The following ARHGAP10 variants were observed in gnomAD, a reference collection of about 807,000 sequenced individuals.
The protein encoded by ARHGAP10 is rho GTPase-activating protein 10.
ARHGAP10 carries 87 observed loss-of-function variants against 108.6 expected under a neutral mutation model. That is an observed-to-expected ratio of 0.80 (90% CI 0.67 to 0.96). The LOEUF (loss-of-function observed/expected upper bound fraction) is 0.96. Among genes scored for constraint, ARHGAP10 ranks in the 40% least tolerant of loss-of-function variants. The pLI is 0.00. For synonymous variants in ARHGAP10, 347 were observed against 341.1 expected (o/e 1.02, Z -0.19); for missense variants, 939 against 954.5 (o/e 0.98, Z 0.21).
At chr4:147,756,542 A>G (rs1242738196) in intron 1 of ARHGAP10, among the ~76,000 whole-genome samples, 1 of 152,174 alleles carries the variant, frequency 6.6e-6, no homozygotes. Context: ...TTCCAGAAAT[A>G]ATTCATGAGT....
At chr4:148,001,332 T>G (rs1400566155) in intron 18 of ARHGAP10, among the ~76,000 whole-genome samples, 11 of 152,350 alleles carry the variant, frequency 7.2e-5, no homozygotes, top group Non-Finnish European at 1.5e-5. Context: ...TAGTATAGTT[T>G]GAAGTCAGGT....
At chr4:148,062,458 A>G (rs920430389) in intron 20 of ARHGAP10, among the ~76,000 whole-genome samples, 7 of 152,250 alleles carry the variant, frequency 4.6e-5, no homozygotes, top group Non-Finnish European at 1.0e-4. Flanking sequence ...CATAAACCAT[A>G]GTCGCCTCCA....
chr4:147,857,687 A>G (rs1734151949), intron 5 of ARHGAP10, 33 bp downstream of exon 5: 1 of 1,391,162 alleles, frequency 7.2e-7, no homozygotes, highest in Non-Finnish European at 9.4e-7. Context: ...TACGTTTTCA[A>G]AATTTGATAA....
chr4:148,064,026 T>C (rs1364393191), intron 21 of ARHGAP10, among the ~76,000 whole-genome samples: 2 of 152,216 alleles, frequency 1.3e-5, no homozygotes. Flanking sequence ...GCCGCCTCCT[T>C]CTGCCGGCTG....
intron 10 of ARHGAP10, among the ~76,000 whole-genome samples, chr4:147,897,124 C>T (rs1736024977): frequency 6.6e-6 from 1 of 151,388 alleles, no homozygotes; most frequent in African/African-American, 2.4e-5. Flanking sequence ...TGTCTTTTTT[C>T]ACCCTTTTCC....
At chr4:147,918,631 C>T (rs547105430) in intron 13 of ARHGAP10, among the ~76,000 whole-genome samples, 1 of 152,296 alleles carries the variant, frequency 6.6e-6, no homozygotes, top group East Asian at 1.9e-4. Flanking sequence ...CTTAGGGGCC[C>T]TTCATCTCCC....
intron 3 of ARHGAP10, among the ~76,000 whole-genome samples, chr4:147,839,007 T>C (rs1733287233): frequency 6.6e-6 from 1 of 152,190 alleles, no homozygotes. Flanking sequence ...TTTAGAAGAC[T>C]CTTAAGAACT....
chr4:147,919,875 T>A (rs1737163868), intron 13 of ARHGAP10, among the ~76,000 whole-genome samples: 1 of 151,894 alleles, frequency 6.6e-6, no homozygotes, highest in African/African-American at 2.4e-5. Flanking sequence ...CCACTGTACC[T>A]GGCCTTAAAA....
chr4:148,049,820 GT>G (rs998683897), intron 20 of ARHGAP10, among the ~76,000 whole-genome samples: 19 of 123,368 alleles, frequency 1.5e-4, no homozygotes, highest in African/African-American at 5.6e-4. Context: ...TTGTTTGTTT[GT>G]TTTTTTTGGG....
chr4:147,826,210 T>A (rs150120962), intron 3 of ARHGAP10, among the ~76,000 whole-genome samples: 1 of 152,134 alleles, frequency 6.6e-6, no homozygotes, highest in African/African-American at 2.4e-5. Context: ...CTGTTTTAGG[T>A]TCCTAGAAAT....
At chr4:147,757,442 C>T (rs142776301) in intron 1 of ARHGAP10, among the ~76,000 whole-genome samples, 14,724 of 152,090 alleles carry the variant, frequency 0.097, 1,150 homozygotes, top group African/African-American at 0.21. Flanking sequence ...GCAATCTGCC[C>T]GCCTCGGCCT....
intron 10 of ARHGAP10, among the ~76,000 whole-genome samples, chr4:147,892,243 C>G (rs939156543): frequency 6.6e-6 from 1 of 152,056 alleles, no homozygotes; most frequent in Non-Finnish European, 1.5e-5. Context: ...GATTTTATAC[C>G]AGCAACTTTA....
At chr4:147,825,103 G>T (rs557201029) in intron 3 of ARHGAP10, among the ~76,000 whole-genome samples, 12 of 152,232 alleles carry the variant, frequency 7.9e-5, no homozygotes, top group African/African-American at 2.9e-4. Context: ...GTGGTGGCTG[G>T]TGGGGGTTTA....
intron 13 of ARHGAP10, among the ~76,000 whole-genome samples, chr4:147,922,475 G>T (rs1737284573): frequency 6.6e-6 from 1 of 151,292 alleles, no homozygotes; most frequent in Non-Finnish European, 1.5e-5. Context: ...GGATCACGAG[G>T]TCAGGAGATC....
At chr4:147,788,135 A>AT (rs1296112791) in intron 1 of ARHGAP10, among the ~76,000 whole-genome samples, 39 of 14,270 alleles carry the variant, frequency 2.7e-3, no homozygotes, top group African/African-American at 4.0e-3. Context: ...AAAAAATTTG[A>AT]TTTTTTTTTT....
At chr4:147,945,888 C>A (rs115877889) in intron 14 of ARHGAP10, among the ~76,000 whole-genome samples, 1 of 152,036 alleles carries the variant, frequency 6.6e-6, no homozygotes, top group African/African-American at 2.4e-5. Context: ...GAGAGGGGGT[C>A]CCACCAGCGG....
At position 147,969,894 on chromosome 4, in the gene ARHGAP10, A is replaced by C. The variant is rs183637993; in HGVS notation, c.1716+3055A>C. 7.9e-5 allele frequency among the ~76,000 whole-genome samples: 12 copies of C among 152,330 alleles called. No homozygotes were observed. In the East Asian group the frequency reaches 2.1e-3, roughly 27 times the overall value. On this transcript the variant is annotated intron_variant, in intron 18 of 22. Coordinates refer to ENST00000336498, the MANE Select transcript of ARHGAP10 (RefSeq NM_024605.4). Reference sequence around the variant, plus strand: ...CAACCAACGTTAATTAAGTGCTCTCAGGCTTTCTATTCAGAAGGGAGCAAT... The same window carrying C: ...CAACCAACGTTAATTAAGTGCTCTCCGGCTTTCTATTCAGAAGGGAGCAAT...
rs1203864478 is a variant in ARHGAP10 at position 148,072,731 on chromosome 4, T to G, written c.*650T>G. ...CGTGTGCTGTTTTCCAAACACCACC[T>G]TTTTGCCTCAAGGTCTCTGTAAATG... On this transcript the variant is annotated 3_prime_UTR_variant, in exon 23 of 23. Transcript: ENST00000336498. 1 of 152,252 alleles carries G rather than the reference T, an allele frequency of 6.6e-6. No individual in the cohort carries two copies. Among genetic ancestry groups the G allele is most frequent in the Non-Finnish European group, 1.5e-5 (1 of 68,062 alleles). The allele number at this position is 152,252 out of a possible 1,614,324, so 9.4% of individuals were successfully genotyped here. A position where few individuals can be genotyped will look rare whatever the true frequency, so the allele number is the denominator to read the frequency against.
At chr4:147,927,379 T>C (rs1737503797) in intron 13 of ARHGAP10, among the ~76,000 whole-genome samples, 1 of 152,182 alleles carries the variant, frequency 6.6e-6, no homozygotes, top group Non-Finnish European at 1.5e-5. Flanking sequence ...TGCACTGTCT[T>C]TGCTGAGGAT....
Sources: gnomAD v4.1 joint callset for allele counts (sites outside exome capture counted in the v4.1 genomes callset) on GRCh38, gnomAD v4.1.1 for gene constraint, MANE v1.5 for transcripts, NCBI Gene and HGNC (gene_info 2026-07-23, HGNC 2026-07-21) for gene names.